Variants in UNC13A observed in about 807,000 individuals in gnomAD.
UNC13A encodes the protein protein unc-13 homolog A.
A neutral mutation model predicts 219.7 loss-of-function variants in UNC13A; 61 were observed. That is an observed-to-expected ratio of 0.28 (90% CI 0.23 to 0.34). The LOEUF (loss-of-function observed/expected upper bound fraction) is 0.34, where lower values mean the gene tolerates loss of function less well. UNC13A is among the 10% of genes least tolerant of loss of function. The probability of loss-of-function intolerance (pLI) is 1.00; values close to 1 mark genes in which losing one functional copy is unlikely to be tolerated. For synonymous variants in UNC13A, 920 were observed against 884.6 expected (o/e 1.04, Z -0.71); for missense variants, 1,476 against 2,270.3 (o/e 0.65, Z 7.11).
intron 43 of UNC13A, 62 bp from the exon 44 acceptor site, chr19:17,606,416 C>T: frequency 5.3e-6 from 8 of 1,511,284 alleles, no homozygotes; most frequent in Non-Finnish European, 7.1e-6. Flanking sequence ...CGCCCACGGC[C>T]CCGTCCCCAC....
At chr19:17,666,135 TC>T (rs2079640364) in intron 7 of UNC13A, among the ~76,000 whole-genome samples, 8 of 132,522 alleles carry the variant, frequency 6.0e-5, no homozygotes, top group African/African-American at 8.9e-5. Flanking sequence ...TCTTTCTTTT[TC>T]TTTCTTTCTT....
At chr19:17,670,986 ACAGT>A (rs1270401486) in intron 4 of UNC13A, among the ~76,000 whole-genome samples, 1 of 151,772 alleles carries the variant, frequency 6.6e-6, no homozygotes, top group African/African-American at 2.4e-5. Context: ...CAAACAAAAA[ACAGT>A]CCCCAGTCCC....
At chr19:17,626,819 G>C (rs1211955626) in intron 33 of UNC13A, 34 bp from the exon 34 acceptor site, 3 of 1,589,518 alleles carry the variant, frequency 1.9e-6, no homozygotes, top group South Asian at 1.1e-5. Context: ...TCAGACCACA[G>C]GAAGGGCTGG....
intron 4 of UNC13A, among the ~76,000 whole-genome samples, 171 bp from the exon 5 acceptor site, chr19:17,669,847 TC>T (rs2079745693): frequency 7.5e-6 from 1 of 133,794 alleles, no homozygotes; most frequent in African/African-American, 2.7e-5. Context: ...CTTCCCTCCC[TC>T]CCTCCCTGCT....
chr19:17,649,540 T>C lies in UNC13A; in HGVS notation c.1487A>G (p.Lys496Arg). The change falls in exon 13 of 44, where the codon AAG becomes AGG. Residue 496 changes from lysine (K) to arginine (R), a missense_variant. Lys to Arg is a conservative substitution (Grantham distance 26). This residue lies in a region of UNC13A where 85 missense variants were observed against 211.5 expected (regional missense o/e 0.40). Coordinates refer to ENST00000519716, the MANE Select transcript of UNC13A (RefSeq NM_001080421.3). This position sits in a 1 kb window ranked among gnomAD's most constrained non-coding sequence, Gnocchi z 4.4. ...GCTCACGAGTGGGATAGGTTTCCTC[T>C]TGCGGATGTCTGGCATGCTGTCGAT... ...IIIDSMPDIR[K>R]RKPIPLVSDL... is the part of the protein sequence containing the mutation. The C allele has an allele frequency of 1.2e-6, 2 of 1,613,952 alleles. No individual in the cohort carries two copies. Among genetic ancestry groups the C allele is most frequent in the East Asian group, 2.2e-5 (1 of 44,872 alleles).
At chr19:17,610,420 T>C (rs551781076) in intron 42 of UNC13A, among the ~76,000 whole-genome samples, 2 of 152,204 alleles carry the variant, frequency 1.3e-5, no homozygotes, top group African/African-American at 4.8e-5. Flanking sequence ...GAGCTGAGAT[T>C]GTGCCACTGC....
intron 43 of UNC13A, among the ~76,000 whole-genome samples, chr19:17,607,809 ATC>A (rs1199777366): frequency 6.7e-6 from 1 of 150,116 alleles, no homozygotes. Context: ...CGACCCAAGG[ATC>A]TACCCCGGAT....
chr19:17,680,671 TCCTCCTCTTCTTC>T (rs972689644), intron 1 of UNC13A, among the ~76,000 whole-genome samples: 31 of 151,884 alleles, frequency 2.0e-4, no homozygotes, highest in African/African-American at 7.2e-4. Flanking sequence ...CTCTCCTTTC[TCCTCCTCTTCTTC>T]CCTCCTCTTC....
intron 1 of UNC13A, among the ~76,000 whole-genome samples, 194 bp downstream of exon 1, chr19:17,687,984 C>T (rs933596949): frequency 6.6e-6 from 1 of 151,954 alleles, no homozygotes; most frequent in African/African-American, 2.4e-5. Context: ...ACCAGGACCC[C>T]CGAGAGCCCT....
rs776436270 is a variant in UNC13A, at chr19:17,639,201, C to T, written c.2963G>A (p.Ser988Asn). The change falls in exon 25 of 44, where the codon AGC becomes AAC. Residue 988 changes from serine to asparagine, a missense_variant. Physicochemically the swap from Ser to Asn is conservative, Grantham distance 46 (BLOSUM62 1). Coordinates refer to ENST00000519716, the MANE Select transcript of UNC13A (RefSeq NM_001080421.3). ...TACCACCTGGCTGGCTCGGGGCGGG[C>T]TCTGGAGTTCTTGTACCTGAAGGGA... ...FFRMKVQELQSPPRASQVVKD... is the reference protein window; with the variant it reads ...FFRMKVQELQNPPRASQVVKD... 1 of 1,613,878 alleles carries T rather than the reference C, an allele frequency of 6.2e-7. No homozygotes were observed. Among genetic ancestry groups the T allele is most frequent in the Non-Finnish European group, 8.5e-7 (1 of 1,179,872 alleles).
At chr19:17,653,349 G>T (rs1052979387) in intron 11 of UNC13A, among the ~76,000 whole-genome samples, 7 of 124,422 alleles carry the variant, frequency 5.6e-5, no homozygotes, top group South Asian at 2.6e-4. Context: ...TATATATTTT[G>T]TTTGTTTGTT....
intron 9 of UNC13A, 26 bp from the exon 10 acceptor site, chr19:17,656,424 G>T: frequency 1.3e-6 from 2 of 1,482,228 alleles, no homozygotes; most frequent in South Asian, 2.7e-5. Flanking sequence ...AGGGTTCAGG[G>T]ACTGGGGTAC....
In UNC13A at chr19:17,606,032, G is replaced by A; in HGVS notation, c.*22C>T. 6.8e-7 allele frequency: 1 copy of A among 1,465,390 alleles called. No homozygotes were observed. The highest frequency in any genetic ancestry group is 1.4e-5 in the South Asian group (1 of 71,408). 90.8% of individuals were successfully genotyped at this position (1,465,390 alleles called of 1,614,324 possible). On this transcript the variant is annotated 3_prime_UTR_variant, in exon 44 of 44. Transcript: ENST00000519716. The stretch of plus-strand genomic sequence containing the variant: ...CCAGCGCCCTCCGCGCAGGCGCAGT[G>A]CCGCTCGGCCGACCGCCCGCGCTAA...
Position 17,618,436 on chromosome 19 carries a change from G to A in UNC13A, c.4395C>T (p.Ala1465=), listed in dbSNP as rs1302683749. 6 of 1,583,552 alleles carry A rather than the reference G, an allele frequency of 3.8e-6. No homozygotes were observed. The highest frequency in any genetic ancestry group is 3.6e-5 in the Admixed American group (2 of 54,880). ...TPKQCAVVEL[A]LDTIKQYFHA... The stretch of plus-strand genomic sequence containing the variant: ...GGCCTCTCACCTTGATGGTGTCCAG[G>A]GCCAACTCAACAACCGCGCACTGCT... Residue 1465 remains alanine (A), a synonymous_variant, in exon 40 of 44, where the codon GCC becomes GCT. Coordinates refer to ENST00000519716, the MANE Select transcript of UNC13A (RefSeq NM_001080421.3).
chr19:17,684,988 T>C (rs2080082949), intron 1 of UNC13A, among the ~76,000 whole-genome samples: 1 of 152,226 alleles, frequency 6.6e-6, no homozygotes, highest in South Asian at 2.1e-4. Flanking sequence ...TATGCACTTG[T>C]GTGCAATGAA....
chr19:17,605,866 G>T lies in UNC13A; in HGVS notation c.*188C>A. On this transcript the variant is annotated 3_prime_UTR_variant, in exon 44 of 44. Transcript: ENST00000519716. ...CGCCCTTGGGCGTGGCCTCCCGAGA[G>T]GGCGGGGCATCCTCCATTCCTAATT... 3 of 570,260 alleles carry T rather than the reference G, an allele frequency of 5.3e-6. No individual in the cohort carries two copies. The highest frequency in any genetic ancestry group is 8.2e-6 in the Non-Finnish European group (3 of 364,876). 35.3% of individuals were successfully genotyped at this position (570,260 alleles called of 1,614,324 possible).
At position 17,624,953 on chromosome 19, in the gene UNC13A, C is replaced by A. The variant is rs1281136120; in HGVS notation, c.4074-1G>T. The A allele has an allele frequency of 7.4e-6, 12 of 1,612,922 alleles. No homozygotes were observed. The highest frequency in any genetic ancestry group is 4.0e-5 in the African/African-American group (3 of 74,908). Reference sequence around the variant, plus strand: ...ACAGATTTTGGCAAAGAGGGTCAGGCTGGGGACGAGGGGCAGGTCTGAGAG... The same window carrying A: ...ACAGATTTTGGCAAAGAGGGTCAGGATGGGGACGAGGGGCAGGTCTGAGAG... On this transcript the variant is annotated splice_acceptor_variant, in intron 34 of 43. Transcript: ENST00000519716. LOFTEE classifies it high-confidence loss of function.
At position 17,639,613 on chromosome 19, in the gene UNC13A, C is replaced by T. The variant is rs746870584; in HGVS notation, c.2857-88G>A. 1.5e-5 allele frequency: 22 copies of T among 1,425,166 alleles called. 1 individual carries two copies. The highest frequency in any genetic ancestry group is 4.8e-5 in the East Asian group (2 of 41,478). The allele number at this position is 1,425,166 out of a possible 1,614,324, so 88.3% of individuals were successfully genotyped here. A position where few individuals can be genotyped will look rare whatever the true frequency, so the allele number is the denominator to read the frequency against. ...TTTTCAGGGGGATACAAAGGCTCCCCGGTTTCAGGCTGGGGGTTGATTAGA... is the reference window on the plus strand; with the variant it reads ...TTTTCAGGGGGATACAAAGGCTCCCTGGTTTCAGGCTGGGGGTTGATTAGA... On this transcript the variant is annotated intron_variant, in intron 23 of 43. Transcript: ENST00000519716.
intron 24 of UNC13A, 69 bp downstream of exon 24, chr19:17,639,367 C>G: frequency 1.9e-6 from 3 of 1,573,372 alleles, no homozygotes; most frequent in Non-Finnish European, 2.6e-6. Context: ...AGGAATGTCA[C>G]TTGTCCTGGG....
Sources: gnomAD v4.1 joint callset for allele counts (sites outside exome capture counted in the v4.1 genomes callset) on GRCh38, gnomAD v4.1.1 for gene constraint, gnomAD v4.1.1 regional missense constraint, Gnocchi (gnomAD v3.1) non-coding constraint, MANE v1.5 for transcripts, NCBI Gene and HGNC (gene_info 2026-07-23, HGNC 2026-07-21) for gene names.